The following MCFD2 variants were observed in gnomAD, a reference collection of about 807,000 sequenced individuals.
MCFD2 encodes multiple coagulation factor deficiency 2, ER cargo receptor complex subunit.
In MCFD2, 11 loss-of-function variants were observed where a neutral mutation model predicts 12.8. The observed-to-expected ratio is 0.86, with a 90% CI of 0.54 to 1.42. The LOEUF (loss-of-function observed/expected upper bound fraction) is 1.42. MCFD2 is among the 40% of genes most tolerant of loss of function. MCFD2 has a pLI of 0.00. For synonymous variants in MCFD2, 70 were observed against 68.1 expected, an observed-to-expected ratio of 1.03 and a Z score of -0.14; for missense variants, 191 against 178.6, an observed-to-expected ratio of 1.07 and a Z score of -0.40.
chr2:46,934,361 C>A, intron 1 of MCFD2, among the ~76,000 whole-genome samples: 1 of 152,184 alleles, frequency 6.6e-6, no homozygotes, highest in East Asian at 1.9e-4. Context: ...CGGGTTCAAG[C>A]AATGCTTGTG....
intron 1 of MCFD2, among the ~76,000 whole-genome samples, chr2:46,931,255 A>T (rs75956744): frequency 0.055 from 8,416 of 152,128 alleles, 378 homozygotes; most frequent in African/African-American, 0.11. Flanking sequence ...ATTAAAAAAA[A>T]TTTTCTTTTA....
upstream of MCFD2, chr2:46,917,228 C>T (rs1307271810): frequency 1.4e-6 from 1 of 697,958 alleles, no homozygotes; most frequent in South Asian, 1.5e-5. Flanking sequence ...CTCCTGGGTT[C>T]AAGCAATCCT....
At position 46,915,805 on chromosome 2, in the gene MCFD2, C is replaced by CTGGGGGGGG; in HGVS notation, c.-90_-89insCCCCCCCCA. On this transcript the variant is annotated 5_prime_UTR_variant, in exon 1 of 4. Transcript: ENST00000319466. ...TCCCCAAAACGCTCTTCCTCGGCTT[C>CTGGGGGGGG]GCCCCGCCCCCCCCCCCCCCCCGAC... The CTGGGGGGGG allele has an allele frequency of 2.7e-6, 1 of 368,316 alleles. No individual in the cohort carries two copies. The highest frequency in any genetic ancestry group is 3.1e-6 in the Non-Finnish European group (1 of 327,196). 22.8% of individuals were successfully genotyped at this position (368,316 alleles called of 1,614,324 possible).
In MCFD2 at chr2:46,901,987, C is replaced by T. The variant is rs1668032266; in HGVS notation, c.*3476G>A. 1 of 152,672 alleles carries T rather than the reference C, an allele frequency of 6.5e-6. No homozygotes were observed. Among genetic ancestry groups the T allele is most frequent in the African/African-American group, 2.4e-5 (1 of 41,458 alleles). The allele number at this position is 152,672 out of a possible 1,614,324, so 9.5% of individuals were successfully genotyped here. A position where few individuals can be genotyped will look rare whatever the true frequency, so the allele number is the denominator to read the frequency against. ...CAAGTCAGCTCTGACTGCACAAATA[C>T]TTGACACAGGAAACCATTTTTACAA... On this transcript the variant is annotated 3_prime_UTR_variant, in exon 4 of 4. Transcript: ENST00000319466. The surrounding 1 kb of genome is among the most constrained non-coding windows in gnomAD (Gnocchi z 4.3).
At chr2:46,919,035 A>C (rs1478366104), upstream of MCFD2, among the ~76,000 whole-genome samples, 1 of 152,190 alleles carries the variant, frequency 6.6e-6, no homozygotes, top group Non-Finnish European at 1.5e-5. Context: ...AGATACCAGA[A>C]TGGCCTCTAG....
At chr2:46,926,792 A>T (rs1669405704) in intron 1 of MCFD2, among the ~76,000 whole-genome samples, 1 of 152,240 alleles carries the variant, frequency 6.6e-6, no homozygotes, top group African/African-American at 2.4e-5. Context: ...AAGAGCAATC[A>T]ACGGACCTCC....
chr2:46,902,577 A>G lies in MCFD2; in HGVS notation c.*2886T>C, dbSNP rs1027555738. Reference sequence around the variant, plus strand: ...GGATGTGGCAGTAGTTGTATAAAATACTGAAAATCTGAAAGAGTCATCACT... The same window carrying G: ...GGATGTGGCAGTAGTTGTATAAAATGCTGAAAATCTGAAAGAGTCATCACT... On this transcript the variant is annotated 3_prime_UTR_variant, in exon 4 of 4. Transcript: ENST00000319466. 1 of 152,668 alleles carries G rather than the reference A, an allele frequency of 6.6e-6. No homozygotes were observed. The highest frequency in any genetic ancestry group is 2.4e-5 in the African/African-American group (1 of 41,466). The allele number at this position is 152,668 out of a possible 1,614,324, so 9.5% of individuals were successfully genotyped here.
intron 1 of MCFD2, among the ~76,000 whole-genome samples, chr2:46,910,159 T>C (rs1668425851): frequency 6.6e-6 from 1 of 152,190 alleles, no homozygotes; most frequent in South Asian, 2.1e-4. Flanking sequence ...CTTGGAATTG[T>C]GGTCAATAAG....
At chr2:46,925,772 C>A (rs186336864) in intron 1 of MCFD2, among the ~76,000 whole-genome samples, 1 of 152,062 alleles carries the variant, frequency 6.6e-6, no homozygotes, top group Non-Finnish European at 1.5e-5. Flanking sequence ...TGTTAACCCC[C>A]GTTGAAAGGG....
intron 1 of MCFD2, among the ~76,000 whole-genome samples, chr2:46,938,888 G>A (rs1670110240): frequency 6.6e-6 from 1 of 151,952 alleles, no homozygotes; most frequent in Admixed American, 6.6e-5. Flanking sequence ...GTGCACGCCT[G>A]TAGTCCCAGC....
intron 1 of MCFD2, among the ~76,000 whole-genome samples, chr2:46,925,087 C>A (rs1236484978): frequency 2.0e-5 from 3 of 152,188 alleles, no homozygotes; most frequent in African/African-American, 7.2e-5. Context: ...TAATACAGAT[C>A]TGTTTGTTGC....
chr2:46,908,539 C>T lies in MCFD2; in HGVS notation c.149+484G>A, dbSNP rs942397994. The T allele has an allele frequency of 1.1e-5, 3 of 268,624 alleles. No homozygotes were observed. Among genetic ancestry groups the T allele is most frequent in the African/African-American group, 2.3e-5 (1 of 44,068 alleles). The allele number at this position is 268,624 out of a possible 1,614,324, so 16.6% of individuals were successfully genotyped here. A position where few individuals can be genotyped will look rare whatever the true frequency, so the allele number is the denominator to read the frequency against. On this transcript the variant is annotated intron_variant, in intron 2 of 3. Coordinates refer to ENST00000319466, the MANE Select transcript of MCFD2 (RefSeq NM_139279.6). The surrounding 1 kb of genome is among the most constrained non-coding windows in gnomAD (Gnocchi z 4.5). ...TCAGCCTCCCAAAGCACTGGGATTA[C>T]AGGTGTGAGCCACTGCACCCAGCCT...
rs1572605482 is a variant in MCFD2 at position 46,905,408 on chromosome 2, A to G, written c.*55T>C. 2.5e-6 allele frequency: 4 copies of G among 1,600,622 alleles called. No homozygotes were observed. In the East Asian group the frequency reaches 8.9e-5, roughly 36 times the overall value. ...GTTATTTTGCATTACTAAAGTGTTC[A>G]ATCACATTATCACGGGTCACATTTG... On this transcript the variant is annotated 3_prime_UTR_variant, in exon 4 of 4. Transcript: ENST00000319466.
At chr2:46,906,794 A>G (rs1021470860) in intron 3 of MCFD2, 1 of 152,158 alleles carries the variant, frequency 6.6e-6, no homozygotes, top group Admixed American at 6.5e-5. Context: ...AGCCTGGCAC[A>G]AGATCTTGAT....
rs1670311206 is a variant in MCFD2, at chr2:46,941,163, G to C, written c.-8+409C>G. The C allele has an allele frequency of 1.4e-5, 2 of 147,828 alleles. No homozygotes were observed. The highest frequency in any genetic ancestry group is 3.0e-5 in the Non-Finnish European group (2 of 66,014). 9.2% of individuals were successfully genotyped at this position (147,828 alleles called of 1,614,324 possible). ...CGAGGCCTCCCCACGCCCCCGCGGGGGTGGAGCCGCGGCCAGGGGCGGGTC... is the reference window on the plus strand; with the variant it reads ...CGAGGCCTCCCCACGCCCCCGCGGGCGTGGAGCCGCGGCCAGGGGCGGGTC... On this transcript the variant is annotated intron_variant, in intron 1 of 2. Transcript: ENST00000409147. The surrounding 1 kb of genome is among the most constrained non-coding windows in gnomAD (Gnocchi z 4.2).
At chr2:46,929,302 T>C (rs967567080) in intron 1 of MCFD2, among the ~76,000 whole-genome samples, 3 of 152,068 alleles carry the variant, frequency 2.0e-5, no homozygotes, top group African/African-American at 4.8e-5. Context: ...CTGGTCAACA[T>C]AGCCAGACCC....
intron 1 of MCFD2, among the ~76,000 whole-genome samples, chr2:46,931,509 G>A (rs1669700351): frequency 6.6e-6 from 1 of 151,356 alleles, no homozygotes; most frequent in Non-Finnish European, 1.5e-5. Context: ...TTTCTAAGAG[G>A]GAAACAGGAG....
chr2:46,939,880 A>G (rs1278802590), intron 1 of MCFD2, among the ~76,000 whole-genome samples: 1 of 152,168 alleles, frequency 6.6e-6, no homozygotes, highest in Non-Finnish European at 1.5e-5. Context: ...AACTGTCTCT[A>G]AATTCCAACT....
intron 1 of MCFD2, among the ~76,000 whole-genome samples, chr2:46,936,086 G>A (rs1669964066): frequency 1.3e-5 from 2 of 152,106 alleles, no homozygotes; most frequent in Admixed American, 6.6e-5. Flanking sequence ...GCAAGACCCT[G>A]TCTCTAAAAA....
Sources: gnomAD v4.1 joint callset for allele counts (sites outside exome capture counted in the v4.1 genomes callset) on GRCh38, gnomAD v4.1.1 for gene constraint, Gnocchi (gnomAD v3.1) non-coding constraint, MANE v1.5 for transcripts, NCBI Gene and HGNC (gene_info 2026-07-23, HGNC 2026-07-21) for gene names.